DRC1: variants seen among roughly 807,000 people sequenced by gnomAD.
The protein encoded by DRC1 is dynein regulatory complex subunit 1.
In DRC1, 74 loss-of-function variants were observed where a neutral mutation model predicts 98.7. The ratio of observed to expected loss-of-function variants is 0.75; its 90% CI spans 0.62 to 0.91. The LOEUF is 0.91. Ranked by LOEUF, DRC1 falls within the 40% of genes least tolerant of loss-of-function variation. DRC1 has a pLI of 0.00. For synonymous variants in DRC1, 336 were observed against 334.1 expected, an observed-to-expected ratio of 1.01 and a Z score of -0.06; for missense variants, 875 against 886.0, an observed-to-expected ratio of 0.99 and a Z score of 0.16.
At chr2:26,411,095 G>T (rs370257041) in intron 1 of DRC1, among the ~76,000 whole-genome samples, 1 of 152,140 alleles carries the variant, frequency 6.6e-6, no homozygotes, top group South Asian at 2.1e-4. Context: ...ATGGGGCGGT[G>T]GTGAGGAAAC....
Position 26,424,310 on chromosome 2 carries a change from C to T in DRC1, c.396C>T (p.Asp132=), listed in dbSNP as rs770549722. 6.2e-6 allele frequency: 10 copies of T among 1,613,788 alleles called. No individual in the cohort carries two copies. The highest frequency in any genetic ancestry group is 1.3e-5 in the African/African-American group (1 of 74,826). ...AGAATGAAGTTAAGACCAGCCAGGA[C>T]AAATTCGATGAAATCACCTCAAAGT... ...KLENEVKTSQ[D]KFDEITSKWE... is the part of the protein sequence containing the mutation. The change falls in exon 4 of 17, where the codon GAC becomes GAT. Residue 132 remains aspartate (D), a synonymous_variant. Transcript: ENST00000288710.
intron 16 of DRC1, among the ~76,000 whole-genome samples, chr2:26,455,735 G>A (rs973699187): frequency 9.2e-5 from 14 of 152,376 alleles, no homozygotes; most frequent in Non-Finnish European, 1.6e-4. Flanking sequence ...GGTCATCCTC[G>A]CATGGGGAAG....
intron 5 of DRC1, 177 bp from the exon 6 acceptor site, chr2:26,430,609 C>T (rs764625896): frequency 1.9e-5 from 14 of 735,408 alleles, no homozygotes; most frequent in Non-Finnish European, 2.5e-5. Context: ...TGCTAATTTC[C>T]ATGCAGCTCC....
intron 1 of DRC1, among the ~76,000 whole-genome samples, chr2:26,403,187 A>C (rs1678307591): frequency 6.6e-6 from 1 of 152,210 alleles, no homozygotes. Context: ...TAGCATTCGC[A>C]TATACTCCCT....
At chr2:26,421,598 T>C (rs2147985557) in intron 3 of DRC1, among the ~76,000 whole-genome samples, 198 bp downstream of exon 3, 1 of 150,298 alleles carries the variant, frequency 6.7e-6, no homozygotes, top group East Asian at 2.0e-4. Context: ...TTCGCTCTTG[T>C]TGCCCAGGCT....
intron 4 of DRC1, among the ~76,000 whole-genome samples, chr2:26,424,968 A>G (rs915412663): frequency 1.3e-5 from 2 of 152,206 alleles, no homozygotes; most frequent in Non-Finnish European, 2.9e-5. Context: ...AACAAAAACC[A>G]AAAAACTGTA....
At position 26,454,166 on chromosome 2, in the gene DRC1, G is replaced by A. The variant is rs1357297918; in HGVS notation, c.1920-481G>A. On this transcript the variant is annotated intron_variant, in intron 14 of 16. Coordinates refer to ENST00000288710, the MANE Select transcript of DRC1 (RefSeq NM_145038.5). This position sits in a 1 kb window ranked among gnomAD's most constrained non-coding sequence, Gnocchi z 5.2. Reference sequence around the variant, plus strand: ...GGTGGGAGCCAGAAAAGGATTTGAAGCAGCCGAAGAGCCATGATTAGCCTT... The same window carrying A: ...GGTGGGAGCCAGAAAAGGATTTGAAACAGCCGAAGAGCCATGATTAGCCTT... Among the ~76,000 whole-genome samples, 1 of 152,200 alleles carries A rather than the reference G, an allele frequency of 6.6e-6. No individual in the cohort carries two copies. The highest frequency in any genetic ancestry group is 6.5e-5 in the Admixed American group (1 of 15,276).
chr2:26,451,967 A>G (rs1399953793), intron 13 of DRC1, among the ~76,000 whole-genome samples: 4 of 152,226 alleles, frequency 2.6e-5, no homozygotes, highest in Non-Finnish European at 5.9e-5. Flanking sequence ...ATATGAATGA[A>G]CAACTCCTAG....
intron 11 of DRC1, among the ~76,000 whole-genome samples, chr2:26,449,101 C>T (rs924585076): frequency 6.6e-6 from 1 of 152,264 alleles, no homozygotes; most frequent in Non-Finnish European, 1.5e-5. Context: ...GCTTCTGAGA[C>T]AGAAGTTGCA....
At chr2:26,448,417 G>A in intron 10 of DRC1, 1 of 592,810 alleles carries the variant, frequency 1.7e-6, no homozygotes. Flanking sequence ...TGAGTATGAT[G>A]TTTCCAGGTA....
chr2:26,414,304 T>C lies in DRC1; in HGVS notation c.156-40T>C, dbSNP rs10188538. 0.013 allele frequency: 20,992 copies of C among 1,604,168 alleles called. 1,276 individuals are homozygous for C. In the African/African-American group the frequency reaches 0.18, roughly 13 times the overall value. ...AACCTTTAAATATAGAATTTACGTATTAGAAATAACTTCATTTTCTCTGCT... is the reference window on the plus strand; with the variant it reads ...AACCTTTAAATATAGAATTTACGTACTAGAAATAACTTCATTTTCTCTGCT... On this transcript the variant is annotated intron_variant, in intron 1 of 16. Transcript: ENST00000288710.
chr2:26,441,225 T>C (rs141907612), intron 8 of DRC1, among the ~76,000 whole-genome samples: 95 of 152,314 alleles, frequency 6.2e-4, no homozygotes, highest in Middle Eastern at 3.4e-3. Context: ...ATAAGACTTC[T>C]TGCTTGTGGA....
At position 26,456,452 on chromosome 2, in the gene DRC1, CT is replaced by C; in HGVS notation, c.2167-5del. 2 of 1,614,126 alleles carry C rather than the reference CT, an allele frequency of 1.2e-6. No homozygotes were observed. The highest frequency in any genetic ancestry group is 1.7e-6 in the Non-Finnish European group (2 of 1,179,974). On this transcript the variant is annotated splice_polypyrimidine_tract_variant and splice_region_variant and intron_variant, in intron 16 of 16. Transcript: ENST00000288710. ...AAAAATGTAACGACTTTCACCCTTT[CT>C]TTTCCAGATCAACTCTGAACTGCAA...
At chr2:26,413,486 T>C (rs1463543433) in intron 1 of DRC1, among the ~76,000 whole-genome samples, 1 of 151,844 alleles carries the variant, frequency 6.6e-6, no homozygotes, top group Non-Finnish European at 1.5e-5. Context: ...AAAGCTGGGC[T>C]CCCACCTGAT....
In DRC1 at chr2:26,421,256, A is replaced by G. The variant is rs1335002869; in HGVS notation, c.244-32A>G. 6 of 1,583,302 alleles carry G rather than the reference A, an allele frequency of 3.8e-6. No individual in the cohort carries two copies. The African/African-American group carries it at 6.8e-5, about 18-fold the overall frequency. ...TTATATATTATTTACAAAGTGTTCT[A>G]GCTTTGTAAATTCTTATATCTCTCT... On this transcript the variant is annotated intron_variant, in intron 2 of 16. Transcript: ENST00000288710.
chr2:26,445,903 C>G (rs932086756), intron 10 of DRC1, among the ~76,000 whole-genome samples: 10 of 152,020 alleles, frequency 6.6e-5, no homozygotes, highest in African/African-American at 2.4e-4. Context: ...CGTGATCCCC[C>G]CAACTCAGCC....
At chr2:26,417,922 C>A (rs916851882) in intron 2 of DRC1, among the ~76,000 whole-genome samples, 4 of 152,084 alleles carry the variant, frequency 2.6e-5, no homozygotes, top group African/African-American at 9.7e-5. Context: ...CGTCTATAAT[C>A]ATATCATCTG....
In DRC1 at chr2:26,431,939, A is replaced by C. The variant is rs749744077; in HGVS notation, c.821A>C (p.Asn274Thr). 2.5e-6 allele frequency: 4 copies of C among 1,614,234 alleles called. No individual in the cohort carries two copies. The South Asian group carries it at 4.4e-5, about 18-fold the overall frequency. Reference sequence around the variant, plus strand: ...GTAGAGGACTATGAGAAGCAGCTGAACAGGCAGAGGATCTGGGATTGCGAA... The same window carrying C: ...GTAGAGGACTATGAGAAGCAGCTGACCAGGCAGAGGATCTGGGATTGCGAA... The part of the protein sequence containing the change: ...KKVEDYEKQL[N>T]RQRIWDCEEY... The change falls in exon 7 of 17, where the codon AAC becomes ACC. Residue 274 changes from asparagine to threonine, a missense_variant. Transcript: ENST00000288710.
chr2:26,448,855 C>A, intron 11 of DRC1, 52 bp downstream of exon 11: 1 of 1,572,472 alleles, frequency 6.4e-7, no homozygotes, highest in Non-Finnish European at 8.7e-7. Context: ...TGTGCAGGTT[C>A]TGAGGCCTCT....
Sources: gnomAD v4.1 joint callset for allele counts (sites outside exome capture counted in the v4.1 genomes callset) on GRCh38, gnomAD v4.1.1 for gene constraint, Gnocchi (gnomAD v3.1) non-coding constraint, MANE v1.5 for transcripts, NCBI Gene and HGNC (gene_info 2026-07-23, HGNC 2026-07-21) for gene names.